The following CRADD variants were observed in gnomAD, a reference collection of about 807,000 sequenced individuals.
CRADD encodes the protein death domain-containing protein CRADD.
A neutral mutation model predicts 15.5 loss-of-function variants in CRADD; 9 were observed. The ratio of observed to expected loss-of-function variants is 0.58; its 90% CI spans 0.35 to 1.01. The LOEUF is 1.01. CRADD is among the 50% of genes least tolerant of loss of function. The probability of loss-of-function intolerance (pLI) is 0.02; values close to 1 mark genes in which losing one functional copy is unlikely to be tolerated. For synonymous variants in CRADD, 118 were observed against 107.6 expected (o/e 1.10, Z -0.60); for missense variants, 227 against 250.3 (o/e 0.91, Z 0.63).
rs756888040 is a variant in CRADD at position 93,678,762 on chromosome 12, T to C, written c.-6-7T>C. The C allele has an allele frequency of 1.2e-5, 19 of 1,605,072 alleles. No individual in the cohort carries two copies. The Middle Eastern group carries it at 1.4e-3, about 115-fold the overall frequency. On this transcript the variant is annotated splice_region_variant and splice_polypyrimidine_tract_variant and intron_variant, in intron 1 of 2. Coordinates refer to ENST00000332896, the MANE Select transcript of CRADD (RefSeq NM_003805.5). ...GTAATTTGAGCTGTGATTTTGGCTC[T>C]TTCCAGGGAGAAATGGAGGCCAGAG...
intron 2 of CRADD, among the ~76,000 whole-genome samples, chr12:93,743,046 C>T (rs1956700761): frequency 6.6e-6 from 1 of 152,192 alleles, no homozygotes; most frequent in Non-Finnish European, 1.5e-5. Flanking sequence ...TGTTTAGGAA[C>T]TTGTAATGCT....
intron 2 of CRADD, among the ~76,000 whole-genome samples, chr12:93,845,838 C>G (rs912207726): frequency 2.0e-5 from 3 of 152,020 alleles, no homozygotes; most frequent in Non-Finnish European, 4.4e-5. Context: ...TTTAAATGTA[C>G]AATTCAGTTG....
intron 2 of CRADD, among the ~76,000 whole-genome samples, chr12:93,695,389 T>G (rs1249645958): frequency 6.6e-6 from 1 of 152,174 alleles, no homozygotes; most frequent in African/African-American, 2.4e-5. Context: ...CTCTATGACA[T>G]TGGTCTGGGC....
At chr12:93,838,214 G>GTTT (rs66564800) in intron 2 of CRADD, among the ~76,000 whole-genome samples, 1,772 of 130,506 alleles carry the variant, frequency 0.014, 46 homozygotes, top group African/African-American at 0.035. Context: ...TCCTTTTGAG[G>GTTT]TTTTTTTTTT....
chr12:93,733,088 TAA>T (rs527821633), intron 2 of CRADD, among the ~76,000 whole-genome samples: 153 of 152,328 alleles, frequency 1.0e-3, no homozygotes, highest in Non-Finnish European at 2.0e-3. Context: ...TGATATAGGC[TAA>T]GTGTCAAACT....
chr12:93,682,149 A>G (rs993813538), intron 2 of CRADD, among the ~76,000 whole-genome samples: 15 of 152,176 alleles, frequency 9.9e-5, no homozygotes, highest in African/African-American at 2.7e-4. Context: ...AATCCCTTCA[A>G]TTTAACGTCC....
chr12:93,764,782 T>C (rs1957008704), intron 2 of CRADD, among the ~76,000 whole-genome samples: 1 of 151,866 alleles, frequency 6.6e-6, no homozygotes, highest in Admixed American at 6.6e-5. Context: ...TAGAAATATA[T>C]AAAAATTCAT....
chr12:93,837,129 T>C (rs1024332658), intron 2 of CRADD, among the ~76,000 whole-genome samples: 1 of 152,294 alleles, frequency 6.6e-6, no homozygotes, highest in Non-Finnish European at 1.5e-5. Context: ...ACCGGATGAA[T>C]GACAAATTGG....
intron 2 of CRADD, among the ~76,000 whole-genome samples, chr12:93,683,333 T>C (rs1244913190): frequency 6.6e-6 from 1 of 152,242 alleles, no homozygotes; most frequent in Non-Finnish European, 1.5e-5. Flanking sequence ...CCAGTCTTCC[T>C]TTAAGCTTGG....
intron 2 of CRADD, among the ~76,000 whole-genome samples, chr12:93,796,694 G>A (rs868771199): frequency 5.9e-5 from 9 of 151,494 alleles, no homozygotes; most frequent in Non-Finnish European, 1.2e-4. Context: ...TATGGGGCTA[G>A]ACTTTTCCTT....
At chr12:93,756,790 C>T (rs1323744160) in intron 2 of CRADD, among the ~76,000 whole-genome samples, 1 of 152,192 alleles carries the variant, frequency 6.6e-6, no homozygotes, top group Non-Finnish European at 1.5e-5. Flanking sequence ...AACTTCTTGG[C>T]ACATCAGGTA....
At chr12:93,867,643 T>C (rs1958382014) in intron 2 of CRADD, among the ~76,000 whole-genome samples, 1 of 152,088 alleles carries the variant, frequency 6.6e-6, no homozygotes, top group South Asian at 2.1e-4. Flanking sequence ...AAACTGTCTA[T>C]TTTAGAGATT....
At chr12:93,706,089 C>A (rs1194811070) in intron 2 of CRADD, among the ~76,000 whole-genome samples, 1 of 152,262 alleles carries the variant, frequency 6.6e-6, no homozygotes, top group South Asian at 2.1e-4. Context: ...GCCAATGAGA[C>A]AAGTGTTGAC....
At chr12:93,864,343 C>T (rs773710650) in intron 2 of CRADD, among the ~76,000 whole-genome samples, 2 of 152,292 alleles carry the variant, frequency 1.3e-5, no homozygotes, top group Admixed American at 6.5e-5. Context: ...CATGAGCCAC[C>T]GTGCCCAAGC....
At chr12:93,810,406 C>G (rs1411890656) in intron 2 of CRADD, among the ~76,000 whole-genome samples, 1 of 151,786 alleles carries the variant, frequency 6.6e-6, no homozygotes, top group African/African-American at 2.4e-5. Context: ...AAAAAATTAG[C>G]TGGGCATGGT....
At chr12:93,833,664 AC>A (rs1185036074) in intron 2 of CRADD, among the ~76,000 whole-genome samples, 3 of 152,160 alleles carry the variant, frequency 2.0e-5, no homozygotes, top group Non-Finnish European at 4.4e-5. Flanking sequence ...AAATGTAAAA[AC>A]CATTACACTT....
At chr12:93,779,726 A>G (rs1235619777) in intron 2 of CRADD, among the ~76,000 whole-genome samples, 2 of 151,620 alleles carry the variant, frequency 1.3e-5, no homozygotes, top group Non-Finnish European at 2.9e-5. Flanking sequence ...AGTAGCTGGG[A>G]CTACAGGTGC....
At chr12:93,771,873 CACTTAT>C (rs1040980564) in intron 2 of CRADD, among the ~76,000 whole-genome samples, 71 of 152,236 alleles carry the variant, frequency 4.7e-4, no homozygotes, top group African/African-American at 1.6e-3. Context: ...ATAGTGGGTG[CACTTAT>C]ACTTATTTAT....
chr12:93,786,066 T>A (rs1247170703), intron 2 of CRADD, among the ~76,000 whole-genome samples: 1 of 152,230 alleles, frequency 6.6e-6, no homozygotes. Flanking sequence ...CTGCCGGGCC[T>A]ATGAAGACAC....
Sources: allele counts gnomAD v4.1 joint callset (sites outside exome capture counted in the v4.1 genomes callset), GRCh38; gene constraint gnomAD v4.1.1; transcripts MANE v1.5; gene names NCBI Gene and HGNC (gene_info 2026-07-23, HGNC 2026-07-21).